Variants in MERTK observed in about 807,000 individuals in gnomAD.
MERTK encodes the protein tyrosine-protein kinase Mer.
MERTK carries 69 observed loss-of-function variants against 99.3 expected under a neutral mutation model. That is an observed-to-expected ratio of 0.70 (90% CI 0.57 to 0.85). The LOEUF (loss-of-function observed/expected upper bound fraction) is 0.85, where lower values mean the gene tolerates loss of function less well. MERTK is among the 40% of genes least tolerant of loss of function. The probability of loss-of-function intolerance (pLI) is 0.00; values close to 1 mark genes in which losing one functional copy is unlikely to be tolerated. For missense variants in MERTK, 1,125 were observed against 1,249.4 expected (o/e 0.90, Z 1.50); for synonymous variants, 426 against 467.6 (o/e 0.91, Z 1.15).
intron 11 of MERTK, 54 bp from the exon 12 acceptor site, chr2:112,003,038 G>A (rs1676902084): frequency 2.5e-6 from 2 of 812,486 alleles, no homozygotes; most frequent in South Asian, 1.4e-5. Flanking sequence ...TAATTATCAA[G>A]TGAAAGAAAA....
In MERTK at chr2:111,910,471, T is replaced by C. The variant is rs556066694; in HGVS notation, c.61+11675T>C. The stretch of plus-strand genomic sequence containing the variant: ...TTTTATTTGAGATGGGGTTTCACCA[T>C]GTTGGCCAGGCTGATCTCGAACTCC... On this transcript the variant is annotated intron_variant, in intron 1 of 18. Coordinates refer to ENST00000295408, the MANE Select transcript of MERTK (RefSeq NM_006343.3). 3.9e-5 allele frequency among the ~76,000 whole-genome samples: 6 copies of C among 152,106 alleles called. No homozygotes were observed. In the East Asian group the frequency reaches 1.2e-3, roughly 29 times the overall value.
At chr2:111,939,763 C>G (rs2104697420) in intron 2 of MERTK, among the ~76,000 whole-genome samples, 1 of 150,574 alleles carries the variant, frequency 6.6e-6, no homozygotes, top group African/African-American at 2.4e-5. Flanking sequence ...CTTAGCCTCC[C>G]AAAGTACTGG....
chr2:112,016,617 T>C (rs11887259), intron 15 of MERTK, among the ~76,000 whole-genome samples: 83,430 of 152,048 alleles, frequency 0.55, 23,584 homozygotes, highest in Middle Eastern at 0.68. Flanking sequence ...GGGCAGACAT[T>C]GTCTCTGGAG....
intron 4 of MERTK, among the ~76,000 whole-genome samples, chr2:111,947,900 A>G (rs1047804630): frequency 6.6e-6 from 1 of 152,020 alleles, no homozygotes; most frequent in Non-Finnish European, 1.5e-5. Flanking sequence ...TCTTGCGTTT[A>G]TGGAACCACT....
intron 11 of MERTK, among the ~76,000 whole-genome samples, chr2:112,002,760 G>A (rs1191601058): frequency 6.6e-6 from 1 of 152,142 alleles, no homozygotes; most frequent in African/African-American, 2.4e-5. Context: ...GATCACTTGA[G>A]GTCAGGAGTT....
chr2:111,913,796 A>G (rs1426127356), intron 1 of MERTK, among the ~76,000 whole-genome samples: 3 of 151,942 alleles, frequency 2.0e-5, no homozygotes, highest in African/African-American at 4.8e-5. Flanking sequence ...TGATCCACCC[A>G]CCTCAGCCTG....
At chr2:111,903,419 TG>T (rs1417220213) in intron 1 of MERTK, among the ~76,000 whole-genome samples, 2 of 152,252 alleles carry the variant, frequency 1.3e-5, no homozygotes, top group African/African-American at 2.4e-5. Context: ...GACAGATTTT[TG>T]GGCTGTATTA....
At chr2:111,995,004 T>G (rs920524583) in intron 9 of MERTK, 1 of 172,618 alleles carries the variant, frequency 5.8e-6, no homozygotes, top group African/African-American at 2.4e-5. Flanking sequence ...TGTACATGAC[T>G]GAATTTTAGA....
chr2:112,010,458 A>G (rs1350287642), intron 15 of MERTK, among the ~76,000 whole-genome samples: 2 of 152,194 alleles, frequency 1.3e-5, no homozygotes, highest in African/African-American at 4.8e-5. Flanking sequence ...CTGGATTTCA[A>G]CCTTTGAAGA....
intron 1 of MERTK, among the ~76,000 whole-genome samples, chr2:111,917,942 G>C (rs6541951): frequency 0.98 from 147,717 of 151,436 alleles, 72,157 homozygotes; most frequent in Middle Eastern, 1. Flanking sequence ...TTAACCATTT[G>C]TAAGTGTAGA....
chr2:111,903,630 A>G (rs1684085031), intron 1 of MERTK, among the ~76,000 whole-genome samples: 2 of 152,170 alleles, frequency 1.3e-5, no homozygotes, highest in African/African-American at 2.4e-5. Flanking sequence ...TCTCAGCAGG[A>G]GATTAATTAT....
rs191874938 is a variant in MERTK at position 111,997,357 on chromosome 2, G to T, written c.1485G>T (p.Ala495=). 1 of 1,614,074 alleles carries T rather than the reference G, an allele frequency of 6.2e-7. No homozygotes were observed. Among genetic ancestry groups the T allele is most frequent in the South Asian group, 1.1e-5 (1 of 91,074 alleles). ...ATTATGCCCCCTCTTCAACTCCGGC[G>T]CCTGGCAACGCAGATCCTGTGCTCA... ...WVDYAPSSTP[A]PGNADPVLII... The change falls in exon 10 of 19, where the codon GCG becomes GCT. Residue 495 remains alanine (A), a synonymous_variant. Transcript: ENST00000295408.
chr2:111,916,711 T>C (rs1238407361), intron 1 of MERTK, among the ~76,000 whole-genome samples: 4 of 152,250 alleles, frequency 2.6e-5, no homozygotes, highest in Non-Finnish European at 5.9e-5. Context: ...CATTTTGATG[T>C]TGGCATTTCA....
At chr2:111,901,160 T>C (rs1422776110) in intron 1 of MERTK, among the ~76,000 whole-genome samples, 1 of 152,114 alleles carries the variant, frequency 6.6e-6, no homozygotes, top group African/African-American at 2.4e-5. Flanking sequence ...GGGGGTGCCA[T>C]TGAGCAGCAA....
chr2:111,975,353 A>G lies in MERTK; in HGVS notation c.1025A>G (p.His342Arg). The change falls in exon 7 of 19, where the codon CAT (histidine) becomes CGT (arginine). Residue 342 changes from histidine to arginine, a missense_variant. Coordinates refer to ENST00000295408, the MANE Select transcript of MERTK (RefSeq NM_006343.3). ...ATTTTTAACACCTCTGCCTTACCAC[A>G]TCTGTACCAAATCAAGCAGCTGCAA... ...VMIFNTSALP[H>R]LYQIKQLQAL... The G allele has an allele frequency of 2.5e-6, 4 of 1,614,186 alleles. No individual in the cohort carries two copies. The highest frequency in any genetic ancestry group is 3.4e-6 in the Non-Finnish European group (4 of 1,180,022).
intron 6 of MERTK, 42 bp downstream of exon 6, chr2:111,968,294 C>G: frequency 6.7e-7 from 1 of 1,503,364 alleles, no homozygotes; most frequent in Non-Finnish European, 9.3e-7. Context: ...GTTTGGTGCT[C>G]TCTGTGGGTT....
chr2:111,904,146 A>G (rs1354910925), intron 1 of MERTK, among the ~76,000 whole-genome samples: 1 of 152,080 alleles, frequency 6.6e-6, no homozygotes, highest in Non-Finnish European at 1.5e-5. Flanking sequence ...CCTGACTGCC[A>G]TTCCCCTCCT....
chr2:111,955,187 C>G (rs1423692565), intron 4 of MERTK, among the ~76,000 whole-genome samples: 1 of 152,150 alleles, frequency 6.6e-6, no homozygotes, highest in Non-Finnish European at 1.5e-5. Flanking sequence ...TTTGAGCAAG[C>G]ATTGTTTATG....
In MERTK at chr2:112,028,625, G is replaced by T. The variant is rs768469451; in HGVS notation, c.2761G>T (p.Asp921Tyr). The change falls in exon 19 of 19, where the codon GAC (aspartate) becomes TAC (tyrosine). Residue 921 changes from aspartate (D) to tyrosine (Y), a missense_variant. Coordinates refer to ENST00000295408, the MANE Select transcript of MERTK (RefSeq NM_006343.3). Reference sequence around the variant, plus strand: ...CAGTGTGGTCACAGCAGAAGTTCATGACAGCAAACCTCATGAAGGACGGTA... The same window carrying T: ...CAGTGTGGTCACAGCAGAAGTTCATTACAGCAAACCTCATGAAGGACGGTA... ...AISVVTAEVHDSKPHEGRYIL... is the reference protein window; with the variant it reads ...AISVVTAEVHYSKPHEGRYIL... 9 of 1,614,092 alleles carry T rather than the reference G, an allele frequency of 5.6e-6. No homozygotes were observed. The highest frequency in any genetic ancestry group is 1.6e-4 in the Middle Eastern group (1 of 6,084).
Sources: gnomAD v4.1 joint callset for allele counts (sites outside exome capture counted in the v4.1 genomes callset) on GRCh38, gnomAD v4.1.1 for gene constraint, MANE v1.5 for transcripts, NCBI Gene and HGNC (gene_info 2026-07-23, HGNC 2026-07-21) for gene names.